Variants in PCDHGA2 observed in about 807,000 individuals in gnomAD.
PCDHGA2 encodes the protein protocadherin gamma-A2.
PCDHGA2 carries 40 observed loss-of-function variants against 59.2 expected under a neutral mutation model. The ratio of observed to expected loss-of-function variants is 0.68; its 90% CI spans 0.52 to 0.88. The LOEUF (loss-of-function observed/expected upper bound fraction) is 0.88, where lower values mean the gene tolerates loss of function less well. PCDHGA2 is among the 40% of genes least tolerant of loss of function. The pLI is 0.00. For synonymous variants in PCDHGA2, 560 were observed against 526.0 expected (o/e 1.06, Z -0.89); for missense variants, 1,226 against 1,204.0 (o/e 1.02, Z -0.27).
At chr5:141,369,714 T>A (rs565396016) in intron 1 of PCDHGA2, among the ~76,000 whole-genome samples, 20 of 152,268 alleles carry the variant, frequency 1.3e-4, no homozygotes, top group African/African-American at 4.3e-4. Context: ...CATTATAACT[T>A]TTAGAAGTTA....
intron 1 of PCDHGA2, among the ~76,000 whole-genome samples, chr5:141,353,748 C>A (rs557671529): frequency 6.6e-6 from 1 of 152,086 alleles, no homozygotes; most frequent in Non-Finnish European, 1.5e-5. Context: ...AATCTATAAA[C>A]ATGTTGAGAT....
At chr5:141,405,632 G>A (rs1487962714) in intron 1 of PCDHGA2, 9 of 530,162 alleles carry the variant, frequency 1.7e-5, no homozygotes, top group African/African-American at 1.2e-4. Flanking sequence ...GTGCCACCAC[G>A]CCCGGCTAAT....
chr5:141,497,062 A>C (rs779414748), intron 2 of PCDHGA2, among the ~76,000 whole-genome samples: 6 of 152,024 alleles, frequency 3.9e-5, no homozygotes, highest in Non-Finnish European at 7.4e-5. Flanking sequence ...GGTGGCAGGC[A>C]CCTGTAATCC....
In PCDHGA2 at chr5:141,503,604, A is replaced by G. The variant is rs189211439; in HGVS notation, c.2484-1789A>G. 5.2e-3 allele frequency among the ~76,000 whole-genome samples: 793 copies of G among 151,946 alleles called. 3 individuals carry two copies. The highest frequency in any genetic ancestry group is 8.3e-3 in the Non-Finnish European group (566 of 67,924). On this transcript the variant is annotated intron_variant, in intron 2 of 3. Coordinates refer to ENST00000394576, the MANE Select transcript of PCDHGA2 (RefSeq NM_018915.4). ...ACAGAGCGAGACTCCAGCTCAAAAA[A>G]AAAAAAAAAAGAAAAAAGAAAAGAA...
Position 141,489,902 on chromosome 5 carries a change from C to A in PCDHGA2, c.2425-4905C>A. ...ACTGCTGTGGATGGGGGGACCCCAGCCCGCTCAGGGACCACCCTTATCTCT... is the reference window on the plus strand; with the variant it reads ...ACTGCTGTGGATGGGGGGACCCCAGACCGCTCAGGGACCACCCTTATCTCT... On this transcript the variant is annotated intron_variant, in intron 1 of 3. Transcript: ENST00000394576. The surrounding 1 kb of genome is among the most constrained non-coding windows in gnomAD (Gnocchi z 4.5). 1 of 1,614,218 alleles carries A rather than the reference C, an allele frequency of 6.2e-7. No individual in the cohort carries two copies. The highest frequency in any genetic ancestry group is 8.5e-7 in the Non-Finnish European group (1 of 1,180,032).
At chr5:141,376,139 G>C in intron 1 of PCDHGA2, 1 of 1,613,958 alleles carries the variant, frequency 6.2e-7, no homozygotes, top group Non-Finnish European at 8.5e-7. Flanking sequence ...CAAACCCAAC[G>C]ATTCGGACCT....
At position 141,476,881 on chromosome 5, in the gene PCDHGA2, G is replaced by A. The variant is rs1458703890; in HGVS notation, c.2425-17926G>A. On this transcript the variant is annotated intron_variant, in intron 1 of 3. Coordinates refer to ENST00000394576, the MANE Select transcript of PCDHGA2 (RefSeq NM_018915.4). The surrounding 1 kb of genome is among the most constrained non-coding windows in gnomAD (Gnocchi z 7.6). The stretch of plus-strand genomic sequence containing the variant: ...CCTTGTACCGGGCGCGCGTCCTGGA[G>A]GATGCACCCTCCGGCACGCGCGTGG... 1.9e-6 allele frequency: 3 copies of A among 1,613,874 alleles called. No homozygotes were observed. Among genetic ancestry groups the A allele is most frequent in the Middle Eastern group, 1.6e-4 (1 of 6,084 alleles).
chr5:141,455,364 G>C (rs2098820282), intron 1 of PCDHGA2, among the ~76,000 whole-genome samples: 1 of 152,252 alleles, frequency 6.6e-6, no homozygotes, highest in South Asian at 2.1e-4. Flanking sequence ...TAGGCAAGAA[G>C]GAAGGGAGAA....
At chr5:141,398,892 G>A in intron 1 of PCDHGA2, 5 of 1,613,916 alleles carry the variant, frequency 3.1e-6, no homozygotes, top group Non-Finnish European at 4.2e-6. Context: ...GGGAAAACGT[G>A]CCACCAGGCA....
chr5:141,427,712 C>T, intron 1 of PCDHGA2: 2 of 1,051,468 alleles, frequency 1.9e-6, no homozygotes, highest in African/African-American at 1.6e-5. Context: ...GCGCCTCTGA[C>T]CTGGACCTAG....
intron 1 of PCDHGA2, chr5:141,399,178 A>T: frequency 6.2e-7 from 1 of 1,613,892 alleles, no homozygotes; most frequent in Admixed American, 1.7e-5. Flanking sequence ...TCTACTTGAA[A>T]TGATTCTGGA....
In PCDHGA2 at chr5:141,476,836, T is replaced by C. The variant is rs772607917; in HGVS notation, c.2425-17971T>C. On this transcript the variant is annotated intron_variant, in intron 1 of 3. Coordinates refer to ENST00000394576, the MANE Select transcript of PCDHGA2 (RefSeq NM_018915.4). The surrounding 1 kb of genome is among the most constrained non-coding windows in gnomAD (Gnocchi z 7.6). ...TCAAGGTGCTGGACGCGAATGACAATGCGCCTGTCTTCAACCAGTCCTTGT... is the reference window on the plus strand; with the variant it reads ...TCAAGGTGCTGGACGCGAATGACAACGCGCCTGTCTTCAACCAGTCCTTGT... 1.9e-6 allele frequency: 3 copies of C among 1,613,652 alleles called. 1 individual carries two copies. The highest frequency in any genetic ancestry group is 2.2e-5 in the East Asian group (1 of 44,852).
At position 141,383,504 on chromosome 5, in the gene PCDHGA2, G is replaced by C. The variant is rs373658496; in HGVS notation, c.2424+42109G>C. ...CTGGTGCTGGAGCGGGTGCTGGACC[G>C]GGAGGAAGAGCGGGTTCACCACCTG... On this transcript the variant is annotated intron_variant, in intron 1 of 3. Coordinates refer to ENST00000394576, the MANE Select transcript of PCDHGA2 (RefSeq NM_018915.4). The C allele has an allele frequency of 1.9e-5, 30 of 1,612,648 alleles. No individual in the cohort carries two copies. The East Asian group carries it at 3.6e-4, about 19-fold the overall frequency.
chr5:141,471,926 G>A (rs2099266798), intron 1 of PCDHGA2, among the ~76,000 whole-genome samples: 2 of 152,110 alleles, frequency 1.3e-5, no homozygotes. Flanking sequence ...AATTTTGGGG[G>A]TGATGAGAGT....
intron 1 of PCDHGA2, chr5:141,356,690 A>G: frequency 6.2e-7 from 1 of 1,614,024 alleles, no homozygotes; most frequent in Non-Finnish European, 8.5e-7. Flanking sequence ...GACACCTTCC[A>G]GGGTGCACCT....
intron 1 of PCDHGA2, chr5:141,395,523 C>A: frequency 7.5e-6 from 3 of 400,150 alleles, no homozygotes; most frequent in Non-Finnish European, 1.3e-5. Flanking sequence ...CCCGTCCATA[C>A]TGGTAATTTT....
At chr5:141,345,881 CTT>C (rs1561491076) in intron 1 of PCDHGA2, 1 of 1,613,436 alleles carries the variant, frequency 6.2e-7, no homozygotes, top group Admixed American at 1.7e-5. Context: ...AGCCGGGACT[CTT>C]CTCGGTGGGT....
intron 1 of PCDHGA2, among the ~76,000 whole-genome samples, chr5:141,453,049 G>C (rs1287375098): frequency 1.3e-5 from 2 of 152,222 alleles, no homozygotes; most frequent in East Asian, 3.9e-4. Context: ...TCTATTATGT[G>C]CAGTTTTAGA....
intron 1 of PCDHGA2, chr5:141,383,504 G>T (rs373658496): frequency 6.2e-7 from 1 of 1,612,766 alleles, no homozygotes; most frequent in South Asian, 1.1e-5. Context: ...GTGCTGGACC[G>T]GGAGGAAGAG....
Sources: allele counts gnomAD v4.1 joint callset (sites outside exome capture counted in the v4.1 genomes callset), GRCh38; gene constraint gnomAD v4.1.1; non-coding constraint Gnocchi (gnomAD v3.1); transcripts MANE v1.5; gene names NCBI Gene and HGNC (gene_info 2026-07-23, HGNC 2026-07-21).